Variants in SUPT3H observed in about 807,000 individuals in gnomAD.
The protein encoded by SUPT3H is SPT3 homolog, SAGA and STAGA complex component.
In SUPT3H, 44 loss-of-function variants were observed where a neutral mutation model predicts 44.3. The observed-to-expected ratio is 0.99, with a 90% confidence interval of 0.78 to 1.28. The LOEUF (loss-of-function observed/expected upper bound fraction) is 1.28. SUPT3H is among the 50% of genes most tolerant of loss of function. SUPT3H has a pLI of 0.00. For missense variants in SUPT3H, 380 were observed against 387.1 expected, an observed-to-expected ratio of 0.98 and a Z score of 0.15; for synonymous variants, 124 against 125.6, an observed-to-expected ratio of 0.99 and a Z score of 0.09.
At chr6:44,885,592 C>A (rs1317054434) in intron 10 of SUPT3H, among the ~76,000 whole-genome samples, 1 of 152,102 alleles carries the variant, frequency 6.6e-6, no homozygotes, top group Non-Finnish European at 1.5e-5. Context: ...ACAGAAAGGA[C>A]ATCCACAGCA....
intron 2 of SUPT3H, among the ~76,000 whole-genome samples, chr6:45,260,914 G>T (rs1774255530): frequency 1.3e-5 from 2 of 152,082 alleles, no homozygotes; most frequent in South Asian, 4.1e-4. Flanking sequence ...TGCGTCAGGT[G>T]TCCTGGTCCA....
chr6:45,187,645 G>A (rs1237530495), intron 2 of SUPT3H, among the ~76,000 whole-genome samples: 2 of 152,132 alleles, frequency 1.3e-5, no homozygotes, highest in Non-Finnish European at 2.9e-5. Flanking sequence ...TCTGTTCCAG[G>A]AAATAAAGGA....
chr6:44,967,623 T>A (rs1423043477), intron 6 of SUPT3H, among the ~76,000 whole-genome samples: 1 of 152,244 alleles, frequency 6.6e-6, no homozygotes, highest in South Asian at 2.1e-4. Flanking sequence ...TTAAATTCCA[T>A]GTGCTCTCAC....
chr6:45,042,009 C>T (rs768910386), intron 3 of SUPT3H, among the ~76,000 whole-genome samples: 42 of 152,176 alleles, frequency 2.8e-4, no homozygotes, highest in Non-Finnish European at 4.1e-4. Flanking sequence ...ATATTAGAGA[C>T]AGTAAATAAA....
chr6:44,877,492 A>T (rs1777507213), intron 10 of SUPT3H, among the ~76,000 whole-genome samples: 2 of 149,092 alleles, frequency 1.3e-5, no homozygotes, highest in African/African-American at 2.5e-5. Flanking sequence ...AAAAAATCCC[A>T]GTTTGTAACA....
At chr6:45,117,372 T>C (rs889447924) in intron 2 of SUPT3H, among the ~76,000 whole-genome samples, 1 of 152,112 alleles carries the variant, frequency 6.6e-6, no homozygotes, top group African/African-American at 2.4e-5. Context: ...ATTTTTACTC[T>C]AAAACTGTGA....
intron 10 of SUPT3H, among the ~76,000 whole-genome samples, chr6:44,863,599 G>C (rs1346836619): frequency 6.6e-6 from 1 of 152,164 alleles, no homozygotes; most frequent in African/African-American, 2.4e-5. Context: ...GAACAGGATA[G>C]AGGTCAGGGT....
intron 10 of SUPT3H, among the ~76,000 whole-genome samples, chr6:44,860,699 A>G (rs183195163): frequency 1.3e-5 from 2 of 152,330 alleles, no homozygotes; most frequent in Admixed American, 1.3e-4. Flanking sequence ...CCCTGTATCT[A>G]ATTCCTAAAA....
At chr6:45,096,814 T>A (rs867249007) in intron 3 of SUPT3H, among the ~76,000 whole-genome samples, 1 of 152,086 alleles carries the variant, frequency 6.6e-6, no homozygotes, top group African/African-American at 2.4e-5. Context: ...GGTTTTTTTT[T>A]AAAGAATCAA....
At chr6:44,899,507 G>A (rs1329142772) in intron 10 of SUPT3H, among the ~76,000 whole-genome samples, 1 of 152,088 alleles carries the variant, frequency 6.6e-6, no homozygotes. Context: ...CCAACATGGT[G>A]AAACCCCGTT....
chr6:44,945,972 T>C (rs1407219859), intron 9 of SUPT3H, among the ~76,000 whole-genome samples: 1 of 152,152 alleles, frequency 6.6e-6, no homozygotes, highest in Non-Finnish European at 1.5e-5. Flanking sequence ...TGTCAGGGGC[T>C]CATGCAGCTG....
intron 3 of SUPT3H, among the ~76,000 whole-genome samples, chr6:45,052,000 A>G (rs4711811): frequency 0.98 from 149,179 of 152,290 alleles, 73,079 homozygotes; most frequent in Middle Eastern, 1. Context: ...GATCATGCAC[A>G]TGGCTACTGA....
At position 44,851,563 on chromosome 6, in the gene SUPT3H, A is replaced by T. The variant is rs557875069; in HGVS notation, c.913-21706T>A. Reference sequence around the variant, plus strand: ...TTTCTTTATTGAAGAGCCATCATTGAGTTATCCTAGGTCTCCTTGGAGAAA... The same window carrying T: ...TTTCTTTATTGAAGAGCCATCATTGTGTTATCCTAGGTCTCCTTGGAGAAA... On this transcript the variant is annotated intron_variant, in intron 10 of 10. Transcript: ENST00000371459. 6.6e-5 allele frequency among the ~76,000 whole-genome samples: 10 copies of T among 152,358 alleles called. No homozygotes were observed. In the East Asian group the frequency reaches 7.7e-4, roughly 12 times the overall value.
chr6:44,928,891 A>AAT (rs1770025164), intron 10 of SUPT3H, among the ~76,000 whole-genome samples: 3 of 122,182 alleles, frequency 2.5e-5, no homozygotes, highest in African/African-American at 1.2e-4. Flanking sequence ...TCAAAAAAAA[A>AAT]AAAAAAAAAA....
At chr6:44,817,642 A>C (rs183266216) in intron 11 of SUPT3H, among the ~76,000 whole-genome samples, 2 of 152,092 alleles carry the variant, frequency 1.3e-5, no homozygotes, top group East Asian at 3.9e-4. Flanking sequence ...AGGTTTTAGC[A>C]TAAAAAGTTA....
Position 45,155,627 on chromosome 6 carries a change from A to G in SUPT3H, c.102-49621T>C, listed in dbSNP as rs139553780. On this transcript the variant is annotated intron_variant, in intron 2 of 10. Transcript: ENST00000371459. ...CCCATAGTTAGCTTGGCCTATGTACAAAGATAAGCAAAAGCAGCTAACCTA... is the reference window on the plus strand; with the variant it reads ...CCCATAGTTAGCTTGGCCTATGTACGAAGATAAGCAAAAGCAGCTAACCTA... Among the ~76,000 whole-genome samples the G allele has an allele frequency of 1.4e-4, 22 of 152,290 alleles. No individual in the cohort carries two copies. The East Asian group carries it at 3.1e-3, about 21-fold the overall frequency.
chr6:44,888,034 G>T (rs866908916), intron 10 of SUPT3H, among the ~76,000 whole-genome samples: 49 of 152,158 alleles, frequency 3.2e-4, no homozygotes, highest in Non-Finnish European at 3.8e-4. Context: ...ATAAATTCCT[G>T]GACACATACA....
At chr6:44,834,142 C>A (rs1769376596) in intron 10 of SUPT3H, among the ~76,000 whole-genome samples, 1 of 152,050 alleles carries the variant, frequency 6.6e-6, no homozygotes. Context: ...TTAGAAGTAT[C>A]CCAGGTGCAT....
At chr6:44,901,478 G>C (rs1462505157) in intron 10 of SUPT3H, among the ~76,000 whole-genome samples, 2 of 152,066 alleles carry the variant, frequency 1.3e-5, no homozygotes, top group Non-Finnish European at 2.9e-5. Flanking sequence ...AGAGAAAAAA[G>C]AATAAAAAGA....
Sources: gnomAD v4.1 joint callset for allele counts (sites outside exome capture counted in the v4.1 genomes callset) on GRCh38, gnomAD v4.1.1 for gene constraint, MANE v1.5 for transcripts, NCBI Gene and HGNC (gene_info 2026-07-23, HGNC 2026-07-21) for gene names.